Variants in TBXAS1 observed in about 807,000 individuals in gnomAD.
TBXAS1 encodes the protein thromboxane A synthase 1.
Under a neutral mutation model 60.7 loss-of-function variants are expected in TBXAS1, and 48 were observed. The observed-to-expected ratio is 0.79, with a 90% CI of 0.63 to 1.01. The LOEUF (loss-of-function observed/expected upper bound fraction) is 1.01, where lower values mean the gene tolerates loss of function less well. TBXAS1 is among the 50% of genes least tolerant of loss of function. The pLI is 0.00. For synonymous variants in TBXAS1, 287 were observed against 269.7 expected (o/e 1.06, Z -0.63); for missense variants, 685 against 686.3 (o/e 1.00, Z 0.02).
In TBXAS1 at chr7:139,797,144, C is replaced by T. The variant is rs796152540; in HGVS notation, c.-80+9718C>T. ...TTTTACACATAAATAGAAAGAAGGC[C>T]TACCTAGACCTTGCTGCCATTTAAA... On this transcript the variant is annotated intron_variant, in intron 4 of 16. Coordinates refer to the TBXAS1 transcript ENST00000336425. 2.4e-4 allele frequency: 36 copies of T among 152,292 alleles called. 2 individuals carry two copies. The highest frequency in any genetic ancestry group is 8.7e-4 in the African/African-American group (36 of 41,548). The allele number at this position is 152,292 out of a possible 1,614,324, so 9.4% of individuals were successfully genotyped here.
chr7:139,790,492 AAAC>A (rs1296989881), intron 4 of TBXAS1, among the ~76,000 whole-genome samples: 1 of 152,368 alleles, frequency 6.6e-6, no homozygotes, highest in East Asian at 1.9e-4. Flanking sequence ...ACTTCTGTCA[AAAC>A]AACAAAACCT....
chr7:139,842,658 T>C (rs1265240645), intron 1 of TBXAS1, among the ~76,000 whole-genome samples: 1 of 152,254 alleles, frequency 6.6e-6, no homozygotes, highest in Admixed American at 6.5e-5. Context: ...GTTGCACAAC[T>C]TCCTGGTGGA....
At chr7:139,949,065 A>T (rs959063194) in intron 5 of TBXAS1, among the ~76,000 whole-genome samples, 1 of 152,244 alleles carries the variant, frequency 6.6e-6, no homozygotes, top group African/African-American at 2.4e-5. Context: ...GCAGAAAATT[A>T]CAATCACGTC....
rs1860508 is a variant in TBXAS1 at position 139,778,688 on chromosome 7, C to T, written c.-318+217C>T. The stretch of plus-strand genomic sequence containing the variant: ...TTCTCCTCCTCGCGTCTACACTGTC[C>T]CGAGGGCCGCCACTCCATCACTTGA... On this transcript the variant is annotated intron_variant, in intron 1 of 16. Transcript: ENST00000336425. This position sits in a 1 kb window ranked among gnomAD's most constrained non-coding sequence, Gnocchi z 4.8. 0.12 allele frequency among the ~76,000 whole-genome samples: 18,256 copies of T among 151,978 alleles called. 1,905 individuals are homozygous for T. The highest frequency in any genetic ancestry group is 0.25 in the African/African-American group (10,251 of 41,424).
intron 9 of TBXAS1, among the ~76,000 whole-genome samples, chr7:139,973,601 G>C (rs1302142057): frequency 6.7e-6 from 1 of 149,070 alleles, no homozygotes; most frequent in Non-Finnish European, 1.5e-5. Context: ...AATATGGCAT[G>C]TGTGAAAATA....
chr7:139,938,175 A>G (rs2158667), intron 5 of TBXAS1, among the ~76,000 whole-genome samples: 6,940 of 152,168 alleles, frequency 0.046, 378 homozygotes, highest in African/African-American at 0.13. Flanking sequence ...CATGTGCTCA[A>G]TTCCTTCCTC....
chr7:139,986,728 TATATATATATACATAC>T (rs61256957), intron 9 of TBXAS1, among the ~76,000 whole-genome samples: 26,980 of 84,872 alleles, frequency 0.32, 4,236 homozygotes, highest in South Asian at 0.41. Context: ...CCATCATATA[TATATATATATACATAC>T]ATATATATAT....
At chr7:140,000,026 G>A (rs992575069) in intron 9 of TBXAS1, among the ~76,000 whole-genome samples, 1 of 151,910 alleles carries the variant, frequency 6.6e-6, no homozygotes, top group Non-Finnish European at 1.5e-5. Context: ...GTATGTGTAG[G>A]TGTGTGACTG....
chr7:139,846,009 A>G (rs1313790069), intron 1 of TBXAS1, among the ~76,000 whole-genome samples: 1 of 151,520 alleles, frequency 6.6e-6, no homozygotes, highest in Non-Finnish European at 1.5e-5. Context: ...ATTTTTTTGT[A>G]GAGACGGGGT....
rs767580618 is a variant in TBXAS1 at position 140,015,710 on chromosome 7, G to C, written c.1227-13G>C. 1.9e-6 allele frequency: 3 copies of C among 1,612,800 alleles called. No individual in the cohort carries two copies. The highest frequency in any genetic ancestry group is 3.3e-5 in the Admixed American group (2 of 60,026). On this transcript the variant is annotated splice_polypyrimidine_tract_variant and intron_variant, in intron 10 of 12. Transcript: ENST00000448866. ...CTTCTCTGTATCCACCCCCGACCTG[G>C]TGTTTCCCTCAGATTCACACGGGAG...
intron 3 of TBXAS1, among the ~76,000 whole-genome samples, chr7:139,899,902 G>A (rs1429762431): frequency 6.6e-6 from 1 of 152,176 alleles, no homozygotes; most frequent in African/African-American, 2.4e-5. Flanking sequence ...CCAAGGACCT[G>A]GGCTGGGGTC....
intron 9 of TBXAS1, among the ~76,000 whole-genome samples, chr7:139,987,735 T>C (rs1422307543): frequency 6.6e-6 from 1 of 152,228 alleles, no homozygotes; most frequent in Non-Finnish European, 1.5e-5. Flanking sequence ...CGCAGGGATA[T>C]GAAGAGCTTT....
chr7:139,794,546 G>T (rs2116328210), intron 4 of TBXAS1, among the ~76,000 whole-genome samples: 1 of 150,942 alleles, frequency 6.6e-6, no homozygotes, highest in African/African-American at 2.4e-5. Flanking sequence ...TAAGTTTTAA[G>T]GTACATGTGC....
chr7:139,832,701 T>C (rs946656860), intron 1 of TBXAS1, among the ~76,000 whole-genome samples: 2 of 152,184 alleles, frequency 1.3e-5, no homozygotes, highest in Admixed American at 6.5e-5. Flanking sequence ...TCTTAAGAGT[T>C]GTGAGACAGA....
At position 139,986,518 on chromosome 7, in the gene TBXAS1, C is replaced by T. The variant is rs138832108; in HGVS notation, c.1135-20573C>T. Among the ~76,000 whole-genome samples the T allele has an allele frequency of 1.0e-2, 1,507 of 151,442 alleles. 14 individuals carry two copies. The highest frequency in any genetic ancestry group is 0.031 in the Middle Eastern group (9 of 292). Reference sequence around the variant, plus strand: ...ATAGTCTTTTATCCCTCACCCCCTTCCCACCTCTCCCCCCAAGTTTCCAAA... The same window carrying T: ...ATAGTCTTTTATCCCTCACCCCCTTTCCACCTCTCCCCCCAAGTTTCCAAA... On this transcript the variant is annotated intron_variant, in intron 9 of 12. Coordinates refer to ENST00000448866, the MANE Select transcript of TBXAS1 (RefSeq NM_001061.7).
intron 3 of TBXAS1, among the ~76,000 whole-genome samples, chr7:139,887,001 G>A (rs1289221733): frequency 6.6e-6 from 1 of 152,144 alleles, no homozygotes; most frequent in African/African-American, 2.4e-5. Flanking sequence ...TGGACACTTA[G>A]CATCCTGAGT....
intron 9 of TBXAS1, among the ~76,000 whole-genome samples, chr7:139,969,768 C>T (rs1249192044): frequency 1.3e-5 from 2 of 152,066 alleles, no homozygotes; most frequent in African/African-American, 4.8e-5. Context: ...TCAGGAGTTC[C>T]CCATCAATTC....
intron 9 of TBXAS1, among the ~76,000 whole-genome samples, chr7:139,998,202 T>A (rs1278721609): frequency 2.6e-4 from 40 of 152,192 alleles, no homozygotes; most frequent in Non-Finnish European, 2.5e-4. Context: ...AAGACAGTGG[T>A]TACTACTGAG....
At chr7:139,870,248 A>G (rs1801722755) in intron 1 of TBXAS1, among the ~76,000 whole-genome samples, 1 of 152,260 alleles carries the variant, frequency 6.6e-6, no homozygotes, top group Non-Finnish European at 1.5e-5. Context: ...ATGGACTTGC[A>G]TAATAATTAG....
Sources: gnomAD v4.1 joint callset for allele counts (sites outside exome capture counted in the v4.1 genomes callset) on GRCh38, gnomAD v4.1.1 for gene constraint, Gnocchi (gnomAD v3.1) non-coding constraint, MANE v1.5 for transcripts, NCBI Gene and HGNC (gene_info 2026-07-23, HGNC 2026-07-21) for gene names.